Variants in MED13L observed in about 807,000 individuals in gnomAD.
The protein encoded by MED13L is mediator of RNA polymerase II transcription subunit 13-like.
A neutral mutation model predicts 220.9 loss-of-function variants in MED13L; 7 were observed. The observed-to-expected ratio is 0.03, with a 90% CI of 0.02 to 0.06. The LOEUF is 0.06. Ranked by LOEUF, MED13L falls within the 10% of genes least tolerant of loss-of-function variation. MED13L has a pLI of 1.00. For synonymous variants in MED13L, 1,011 were observed against 1,015.2 expected, an observed-to-expected ratio of 1.00 and a Z score of 0.08; for missense variants, 1,965 against 2,760.5, an observed-to-expected ratio of 0.71 and a Z score of 6.46.
chr12:115,994,492 A>AT (rs1878274110), intron 16 of MED13L, among the ~76,000 whole-genome samples: 1 of 151,924 alleles, frequency 6.6e-6, no homozygotes, highest in Admixed American at 6.6e-5. Context: ...CAAAAACAAA[A>AT]CCTTCATCAC....
chr12:116,103,286 CT>C (rs1239705258), intron 3 of MED13L, among the ~76,000 whole-genome samples: 1 of 152,192 alleles, frequency 6.6e-6, no homozygotes, highest in Non-Finnish European at 1.5e-5. Context: ...CAGAGTCTCA[CT>C]CTGTTGCCCA....
At chr12:116,145,718 A>G (rs1019639319) in intron 2 of MED13L, among the ~76,000 whole-genome samples, 2 of 141,792 alleles carry the variant, frequency 1.4e-5, no homozygotes, top group African/African-American at 5.4e-5. Flanking sequence ...ATTTTTGTAG[A>G]GTCTTGCTAA....
At chr12:116,177,138 C>A (rs183650153) in intron 2 of MED13L, among the ~76,000 whole-genome samples, 12 of 145,662 alleles carry the variant, frequency 8.2e-5, no homozygotes, top group African/African-American at 1.5e-4. Context: ...GTAATGAGTA[C>A]CCCCCTCCCC....
Position 116,037,749 on chromosome 12 carries a change from C to T in MED13L, c.480-15148G>A, listed in dbSNP as rs143771892. On this transcript the variant is annotated intron_variant, in intron 4 of 30. Coordinates refer to ENST00000281928, the MANE Select transcript of MED13L (RefSeq NM_015335.5). The stretch of plus-strand genomic sequence containing the variant: ...GAAAAAATGGTGTTCTACTGGCCTA[C>T]GGGACTTAATTCTCCCTGGGTACAT... Among the ~76,000 whole-genome samples the T allele has an allele frequency of 1.5e-3, 228 of 152,222 alleles. 2 individuals are homozygous for T. The highest frequency in any genetic ancestry group is 0.012 in the East Asian group (64 of 5,178).
intron 2 of MED13L, among the ~76,000 whole-genome samples, chr12:116,176,675 G>A (rs548159408): frequency 6.6e-6 from 1 of 152,064 alleles, no homozygotes; most frequent in African/African-American, 2.4e-5. Context: ...GAGCCTTAAG[G>A]AGCAAAGGCA....
chr12:116,148,507 A>G, intron 2 of MED13L: 1 of 318,602 alleles, frequency 3.1e-6, no homozygotes, highest in Non-Finnish European at 6.9e-6. Flanking sequence ...GTAACCAGCT[A>G]AAGATAAAAT....
intron 4 of MED13L, among the ~76,000 whole-genome samples, chr12:116,093,865 A>C (rs1290283094): frequency 6.6e-6 from 1 of 152,162 alleles, no homozygotes; most frequent in African/African-American, 2.4e-5. Context: ...GACACAACTA[A>C]ACTTAAGAAA....
chr12:116,152,212 G>T (rs1024843303), intron 2 of MED13L, among the ~76,000 whole-genome samples: 51 of 152,116 alleles, frequency 3.4e-4, no homozygotes, highest in Admixed American at 3.3e-3. Context: ...GTAAATGCCT[G>T]CCAAATCAAA....
At chr12:116,166,050 A>T (rs1249379740) in intron 2 of MED13L, among the ~76,000 whole-genome samples, 2 of 152,192 alleles carry the variant, frequency 1.3e-5, no homozygotes, top group Non-Finnish European at 2.9e-5. Context: ...ATCTCAGTTC[A>T]AATGCCACTT....
chr12:116,019,979 A>G lies in MED13L; in HGVS notation c.626-7T>C. ...CCATAAGGACTTACCAGTACTATGG[A>G]GGGGAGGAGAAATACATGCTAAACA... On this transcript the variant is annotated splice_polypyrimidine_tract_variant and splice_region_variant and intron_variant, in intron 5 of 30. Transcript: ENST00000281928. 1 of 1,609,910 alleles carries G rather than the reference A, an allele frequency of 6.2e-7. No individual in the cohort carries two copies. Among genetic ancestry groups the G allele is most frequent in the Non-Finnish European group, 8.5e-7 (1 of 1,176,444 alleles).
chr12:116,236,804 A>G (rs1870125489), intron 2 of MED13L: 1 of 969,606 alleles, frequency 1.0e-6, no homozygotes, highest in Non-Finnish European at 1.2e-6. Context: ...AGCAGCACAG[A>G]AAAATGAAAC....
intron 2 of MED13L, among the ~76,000 whole-genome samples, chr12:116,222,439 T>C (rs768286554): frequency 6.6e-6 from 1 of 152,198 alleles, no homozygotes; most frequent in South Asian, 2.1e-4. Flanking sequence ...ATTTTGGATA[T>C]GTGAGGGTGA....
chr12:116,031,108 T>G (rs1880709309), intron 4 of MED13L, among the ~76,000 whole-genome samples: 1 of 152,162 alleles, frequency 6.6e-6, no homozygotes, highest in Non-Finnish European at 1.5e-5. Context: ...TAGGGAACTC[T>G]AGGAATCAAA....
intron 4 of MED13L, among the ~76,000 whole-genome samples, chr12:116,033,092 A>T (rs1431920207): frequency 6.3e-5 from 7 of 110,558 alleles, no homozygotes; most frequent in South Asian, 3.2e-4. Flanking sequence ...TGTTTTTTTA[A>T]AAAAAAACAC....
chr12:115,965,092 A>G (rs374804185), intron 29 of MED13L, among the ~76,000 whole-genome samples: 13 of 152,232 alleles, frequency 8.5e-5, no homozygotes, highest in Non-Finnish European at 1.3e-4. Flanking sequence ...TCACTGTCTA[A>G]TAAGTTTTTG....
chr12:116,243,170 CA>C (rs57287593), intron 1 of MED13L, among the ~76,000 whole-genome samples: 22,971 of 152,144 alleles, frequency 0.15, 1,953 homozygotes, highest in South Asian at 0.23. Flanking sequence ...AACGAACCAA[CA>C]AAATCACTAT....
chr12:116,277,337 G>GGTCCCC lies in MED13L; in HGVS notation c.-207_-206insGGGGAC, dbSNP rs1873959461. The stretch of plus-strand genomic sequence containing the variant: ...GGCAGCGGGCCCGGGCTGGCGGGGG[G>GGTCCCC]GGCGCGCGCCCCGGGCCGGCGCTGC... On this transcript the variant is annotated 5_prime_UTR_variant, in exon 1 of 31. Coordinates refer to ENST00000281928, the MANE Select transcript of MED13L (RefSeq NM_015335.5). 1.4e-5 allele frequency: 2 copies of GGTCCCC among 146,728 alleles called. No homozygotes were observed. The highest frequency in any genetic ancestry group is 4.9e-5 in the African/African-American group (2 of 40,754). 9.1% of individuals were successfully genotyped at this position (146,728 alleles called of 1,614,324 possible).
At chr12:116,100,598 C>CAAAAAA (rs760855189) in intron 3 of MED13L, among the ~76,000 whole-genome samples, 3 of 67,992 alleles carry the variant, frequency 4.4e-5, no homozygotes, top group African/African-American at 1.1e-4. Context: ...GACTCCGTCT[C>CAAAAAA]AAAAAAAAAA....
At chr12:116,235,015 TAG>T (rs1869945124) in intron 2 of MED13L, among the ~76,000 whole-genome samples, 1 of 152,164 alleles carries the variant, frequency 6.6e-6, no homozygotes, top group African/African-American at 2.4e-5. Flanking sequence ...GAGAATGAAA[TAG>T]ATTCTAAAAT....
Sources: allele counts gnomAD v4.1 joint callset (sites outside exome capture counted in the v4.1 genomes callset), GRCh38; gene constraint gnomAD v4.1.1; transcripts MANE v1.5; gene names NCBI Gene and HGNC (gene_info 2026-07-23, HGNC 2026-07-21).